Variants in MAGI2 observed in about 807,000 individuals in gnomAD.
MAGI2 encodes the protein membrane associated guanylate kinase, WW and PDZ domain containing 2.
Under a neutral mutation model 133.3 loss-of-function variants are expected in MAGI2, and 35 were observed. The observed-to-expected ratio is 0.26, with a 90% CI of 0.20 to 0.35. The LOEUF is 0.35. MAGI2 is among the 10% of genes least tolerant of loss of function. The pLI, the probability that MAGI2 is intolerant of heterozygous loss-of-function variation, is 1.00. For synonymous variants in MAGI2, 729 were observed against 710.6 expected (o/e 1.03, Z -0.41); for missense variants, 1,636 against 1,863.4 (o/e 0.88, Z 2.25).
At chr7:78,983,906 C>G (rs911029730) in intron 2 of MAGI2, among the ~76,000 whole-genome samples, 3 of 151,880 alleles carry the variant, frequency 2.0e-5, no homozygotes, top group Admixed American at 6.6e-5. Flanking sequence ...GGTGATGTCT[C>G]CAAGATTCCT....
At chr7:78,317,375 A>G (rs936115994) in intron 9 of MAGI2, among the ~76,000 whole-genome samples, 3 of 152,218 alleles carry the variant, frequency 2.0e-5, no homozygotes, top group African/African-American at 7.2e-5. Flanking sequence ...TCTGTACTAA[A>G]CACAGAATTA....
At chr7:78,988,879 T>C (rs1467190529) in intron 2 of MAGI2, among the ~76,000 whole-genome samples, 1 of 152,098 alleles carries the variant, frequency 6.6e-6, no homozygotes, top group African/African-American at 2.4e-5. Context: ...AAAAATAAGA[T>C]AAAAGGCCAA....
intron 1 of MAGI2, among the ~76,000 whole-genome samples, chr7:79,217,801 T>C (rs980927588): frequency 6.6e-6 from 1 of 151,968 alleles, no homozygotes; most frequent in African/African-American, 2.4e-5. Flanking sequence ...TAAATTACAT[T>C]TTGGGTATAA....
intron 10 of MAGI2, among the ~76,000 whole-genome samples, chr7:78,226,288 CAG>C (rs1789373075): frequency 6.9e-6 from 1 of 145,768 alleles, no homozygotes; most frequent in Non-Finnish European, 1.5e-5. Flanking sequence ...AACTGAATGT[CAG>C]AGAGTGACTG....
chr7:78,141,941 A>AT (rs1217552260), intron 16 of MAGI2, among the ~76,000 whole-genome samples: 1 of 152,220 alleles, frequency 6.6e-6, no homozygotes, highest in Admixed American at 6.5e-5. Context: ...CTTTTATTTT[A>AT]TACCAATTGT....
chr7:78,054,766 C>T (rs1056485282), intron 21 of MAGI2, among the ~76,000 whole-genome samples: 1 of 151,854 alleles, frequency 6.6e-6, no homozygotes, highest in African/African-American at 2.4e-5. Flanking sequence ...CTCAAGCGTT[C>T]CTCAACCTCC....
chr7:78,690,686 T>C (rs78571197), intron 2 of MAGI2, among the ~76,000 whole-genome samples: 2,871 of 152,284 alleles, frequency 0.019, 87 homozygotes, highest in African/African-American at 0.066. Context: ...ATTCTGTCCC[T>C]ACAGATGTCT....
At chr7:79,125,264 A>G (rs1417467015) in intron 1 of MAGI2, 15 of 448,710 alleles carry the variant, frequency 3.3e-5, no homozygotes, top group Non-Finnish European at 6.4e-5. Flanking sequence ...ACTGTGAAGT[A>G]AGGAAAGCCC....
At chr7:79,067,103 T>G (rs982768706) in intron 1 of MAGI2, among the ~76,000 whole-genome samples, 4 of 152,212 alleles carry the variant, frequency 2.6e-5, no homozygotes, top group Admixed American at 6.5e-5. Context: ...TCTTTTTTGC[T>G]TCCATATTAA....
At chr7:78,393,488 T>C (rs1043899853) in intron 6 of MAGI2, among the ~76,000 whole-genome samples, 9 of 152,208 alleles carry the variant, frequency 5.9e-5, no homozygotes, top group Non-Finnish European at 1.0e-4. Context: ...CTTTGTTTTT[T>C]CTTATTGTCC....
At chr7:78,695,408 T>G (rs2151133383) in intron 2 of MAGI2, among the ~76,000 whole-genome samples, 1 of 152,292 alleles carries the variant, frequency 6.6e-6, no homozygotes, top group South Asian at 2.1e-4. Context: ...TCTTCCTCCT[T>G]GCTCTGTATC....
chr7:78,582,438 A>C (rs930312511), intron 3 of MAGI2, among the ~76,000 whole-genome samples: 3 of 152,228 alleles, frequency 2.0e-5, no homozygotes, highest in African/African-American at 7.2e-5. Flanking sequence ...AATTGCACCA[A>C]AGCATACTTT....
intron 5 of MAGI2, among the ~76,000 whole-genome samples, chr7:78,493,861 G>A (rs1354342354): frequency 6.6e-6 from 1 of 152,138 alleles, no homozygotes; most frequent in African/African-American, 2.4e-5. Flanking sequence ...AAAGTTCCAT[G>A]TGCATAGAGA....
intron 2 of MAGI2, among the ~76,000 whole-genome samples, chr7:78,767,762 G>A (rs1481443548): frequency 3.9e-5 from 6 of 152,186 alleles, no homozygotes; most frequent in African/African-American, 1.4e-4. Flanking sequence ...TCCTTTACGT[G>A]CCACAGGCAT....
At chr7:78,963,169 A>G (rs771671906) in intron 2 of MAGI2, among the ~76,000 whole-genome samples, 2 of 152,110 alleles carry the variant, frequency 1.3e-5, no homozygotes, top group African/African-American at 4.8e-5. Flanking sequence ...TACATTGCCT[A>G]TGGGTGCTTT....
At chr7:79,102,845 T>C (rs1281720413) in intron 1 of MAGI2, among the ~76,000 whole-genome samples, 2 of 152,226 alleles carry the variant, frequency 1.3e-5, no homozygotes, top group Non-Finnish European at 2.9e-5. Flanking sequence ...TAGGTGTTGC[T>C]GCGAAGATAG....
At position 78,739,853 on chromosome 7, in the gene MAGI2, C is replaced by T. The variant is rs887889249; in HGVS notation, c.419-112614G>A. Among the ~76,000 whole-genome samples the T allele has an allele frequency of 3.3e-5, 5 of 152,122 alleles. No individual in the cohort carries two copies. In the East Asian group the frequency reaches 9.7e-4, roughly 29 times the overall value. Reference sequence around the variant, plus strand: ...AGCAGAGTGAAATGTGCAGCCCACTCTTAGTAAGCGTGTATGATAACCTGG... The same window carrying T: ...AGCAGAGTGAAATGTGCAGCCCACTTTTAGTAAGCGTGTATGATAACCTGG... On this transcript the variant is annotated intron_variant, in intron 2 of 21. Coordinates refer to ENST00000354212, the MANE Select transcript of MAGI2 (RefSeq NM_012301.4).
At chr7:79,381,996 C>CA (rs1843824089) in intron 1 of MAGI2, among the ~76,000 whole-genome samples, 1 of 151,652 alleles carries the variant, frequency 6.6e-6, no homozygotes, top group Non-Finnish European at 1.5e-5. Context: ...TCCACCATGA[C>CA]AACATTGGTG....
chr7:78,295,927 CTCT>C (rs1264600509), intron 9 of MAGI2, among the ~76,000 whole-genome samples: 1 of 152,100 alleles, frequency 6.6e-6, no homozygotes, highest in African/African-American at 2.4e-5. Flanking sequence ...TGATTTCTCC[CTCT>C]TCTTACTCCA....
Sources: gnomAD v4.1 joint callset for allele counts (sites outside exome capture counted in the v4.1 genomes callset) on GRCh38, gnomAD v4.1.1 for gene constraint, MANE v1.5 for transcripts, NCBI Gene and HGNC (gene_info 2026-07-23, HGNC 2026-07-21) for gene names.